Variants in UBE2E2 observed in about 807,000 individuals in gnomAD.
The protein encoded by UBE2E2 is ubiquitin-conjugating enzyme E2 E2.
A neutral mutation model predicts 24.7 loss-of-function variants in UBE2E2; 6 were observed. The ratio of observed to expected loss-of-function variants is 0.24; its 90% CI spans 0.13 to 0.48. The LOEUF is 0.48. Ranked by LOEUF, UBE2E2 falls within the 20% of genes least tolerant of loss-of-function variation. UBE2E2 has a pLI of 0.99. For synonymous variants in UBE2E2, 104 were observed against 83.6 expected (o/e 1.24, Z -1.33); for missense variants, 169 against 245.0 (o/e 0.69, Z 2.07).
chr3:23,508,729 T>G (rs148614114), intron 4 of UBE2E2, among the ~76,000 whole-genome samples: 4 of 152,328 alleles, frequency 2.6e-5, no homozygotes, highest in African/African-American at 9.6e-5. Flanking sequence ...TCTGTGAATG[T>G]GACCGCACTC....
Position 23,575,163 on chromosome 3 carries a change from T to C in UBE2E2, c.509-14571T>C, listed in dbSNP as rs150714384. Among the ~76,000 whole-genome samples, 27 of 152,354 alleles carry C rather than the reference T, an allele frequency of 1.8e-4. No individual in the cohort carries two copies. The South Asian group carries it at 2.1e-3, about 12-fold the overall frequency. On this transcript the variant is annotated intron_variant, in intron 5 of 5. Coordinates refer to ENST00000396703, the MANE Select transcript of UBE2E2 (RefSeq NM_152653.4). ...TGTGTAGACAATGCCAGATGTTTCC[T>C]TCATATATTATGTAGTTTGTCTTTG...
At chr3:23,265,745 G>T (rs1389538555) in intron 3 of UBE2E2, among the ~76,000 whole-genome samples, 5 of 152,158 alleles carry the variant, frequency 3.3e-5, no homozygotes, top group Non-Finnish European at 7.4e-5. Context: ...TGACAGTGGG[G>T]TGTTAAAGTC....
intron 3 of UBE2E2, among the ~76,000 whole-genome samples, chr3:23,237,370 C>T (rs1697138870): frequency 6.6e-6 from 1 of 152,118 alleles, no homozygotes; most frequent in African/African-American, 2.4e-5. Flanking sequence ...ATAACTTCTG[C>T]ATGTCTTATT....
chr3:23,209,874 C>G (rs988877684), intron 2 of UBE2E2, among the ~76,000 whole-genome samples: 5 of 152,086 alleles, frequency 3.3e-5, no homozygotes, highest in Non-Finnish European at 7.4e-5. Context: ...TATTCAGTTT[C>G]CCTTTCGTGG....
chr3:23,470,830 T>G (rs996838869), intron 3 of UBE2E2, among the ~76,000 whole-genome samples: 9 of 152,120 alleles, frequency 5.9e-5, no homozygotes, highest in African/African-American at 1.9e-4. Context: ...ATATTTTTTT[T>G]TGCGTGAACT....
At chr3:23,576,336 C>T (rs184255213) in intron 5 of UBE2E2, among the ~76,000 whole-genome samples, 136 of 152,084 alleles carry the variant, frequency 8.9e-4, no homozygotes, top group Admixed American at 7.3e-3. Context: ...GTGGAACTGC[C>T]GGAGGACAGT....
chr3:23,518,635 C>A lies in UBE2E2; in HGVS notation c.361-13919C>A, dbSNP rs182005389. On this transcript the variant is annotated intron_variant, in intron 4 of 5. Transcript: ENST00000396703. ...ATTTGCTGCCTTCCTTTTCCCCTCT[C>A]CGATATTCTCCACAGTGGGTTCCAG... Among the ~76,000 whole-genome samples the A allele has an allele frequency of 5.3e-3, 805 of 152,272 alleles. 9 individuals carry two copies. Among genetic ancestry groups the A allele is most frequent in the African/African-American group, 0.018 (749 of 41,562 alleles).
chr3:23,318,933 C>G (rs1294771055), intron 3 of UBE2E2, among the ~76,000 whole-genome samples: 3 of 152,190 alleles, frequency 2.0e-5, no homozygotes, highest in Admixed American at 2.0e-4. Flanking sequence ...TTTCTCTTTA[C>G]ATAGTTTTGA....
intron 5 of UBE2E2, among the ~76,000 whole-genome samples, chr3:23,587,003 G>A (rs2125522588): frequency 6.6e-6 from 1 of 151,732 alleles, no homozygotes; most frequent in South Asian, 2.1e-4. Context: ...TACACGAGAT[G>A]GTCTTTACTT....
At chr3:23,231,034 G>C (rs561223613) in intron 3 of UBE2E2, among the ~76,000 whole-genome samples, 22 of 152,096 alleles carry the variant, frequency 1.4e-4, no homozygotes, top group Admixed American at 3.9e-4. Flanking sequence ...AGTACATAAT[G>C]AGAGCTCTAC....
intron 3 of UBE2E2, among the ~76,000 whole-genome samples, chr3:23,264,582 C>G (rs1462557010): frequency 1.3e-5 from 2 of 152,044 alleles, no homozygotes; most frequent in African/African-American, 2.4e-5. Flanking sequence ...GAATATAATG[C>G]CAAAGCATCA....
rs895109027 is a variant in UBE2E2 at position 23,514,153 on chromosome 3, G to A, written c.360+14413G>A. 2.0e-5 allele frequency among the ~76,000 whole-genome samples: 3 copies of A among 152,326 alleles called. No individual in the cohort carries two copies. The South Asian group carries it at 6.2e-4, about 32-fold the overall frequency. On this transcript the variant is annotated intron_variant, in intron 4 of 5. Transcript: ENST00000396703. ...TTGCCAGTACATTTGACTGGAACAT[G>A]TTTGATCCAGTTCTTCATGTGGTCA...
At chr3:23,455,774 G>A (rs1346516687) in intron 3 of UBE2E2, among the ~76,000 whole-genome samples, 1 of 152,168 alleles carries the variant, frequency 6.6e-6, no homozygotes, top group Non-Finnish European at 1.5e-5. Context: ...CTTTTTGCTG[G>A]TGAAGGGTCT....
chr3:23,264,074 T>TA (rs1207770744), intron 3 of UBE2E2, among the ~76,000 whole-genome samples: 2 of 152,152 alleles, frequency 1.3e-5, no homozygotes, highest in Non-Finnish European at 2.9e-5. Flanking sequence ...TCGTATGATG[T>TA]AGGTACTACC....
At chr3:23,343,491 G>A (rs1158553514) in intron 3 of UBE2E2, among the ~76,000 whole-genome samples, 3 of 152,104 alleles carry the variant, frequency 2.0e-5, no homozygotes, top group Admixed American at 6.5e-5. Context: ...CAGGAGAATC[G>A]CTTGAACCTG....
At chr3:23,458,100 C>T (rs1379581824) in intron 3 of UBE2E2, among the ~76,000 whole-genome samples, 2 of 152,212 alleles carry the variant, frequency 1.3e-5, no homozygotes, top group East Asian at 3.9e-4. Flanking sequence ...TCTGGGCTGT[C>T]AGCATGGCTT....
At chr3:23,301,293 CA>C (rs1324175272) in intron 3 of UBE2E2, among the ~76,000 whole-genome samples, 3 of 152,244 alleles carry the variant, frequency 2.0e-5, no homozygotes, top group Non-Finnish European at 2.9e-5. Flanking sequence ...TAATCAAAGT[CA>C]TTCTCCGTCC....
At chr3:23,408,310 A>G (rs1697415501) in intron 3 of UBE2E2, among the ~76,000 whole-genome samples, 1 of 152,202 alleles carries the variant, frequency 6.6e-6, no homozygotes, top group Admixed American at 6.5e-5. Context: ...AATGTTTCCA[A>G]AGGACATTCA....
At chr3:23,311,101 T>G (rs1323224108) in intron 3 of UBE2E2, among the ~76,000 whole-genome samples, 1 of 152,154 alleles carries the variant, frequency 6.6e-6, no homozygotes, top group Non-Finnish European at 1.5e-5. Flanking sequence ...AATGAGAACA[T>G]GCGGTGTTTG....
Sources: gnomAD v4.1 joint callset for allele counts (sites outside exome capture counted in the v4.1 genomes callset) on GRCh38, gnomAD v4.1.1 for gene constraint, MANE v1.5 for transcripts, NCBI Gene and HGNC (gene_info 2026-07-23, HGNC 2026-07-21) for gene names.